FBXW8: variants seen among roughly 807,000 people sequenced by gnomAD.
FBXW8 encodes the protein F-box and WD repeat domain containing 8, also known as F-box/WD repeat-containing protein 8.
A neutral mutation model predicts 65.3 loss-of-function variants in FBXW8; 57 were observed. The observed-to-expected ratio is 0.87, with a 90% confidence interval of 0.71 to 1.09. The LOEUF (loss-of-function observed/expected upper bound fraction) is 1.09. Ranked by LOEUF, FBXW8 falls within the 50% of genes least tolerant of loss-of-function variation. FBXW8 has a pLI of 0.00. For missense variants in FBXW8, 777 were observed against 814.8 expected, an observed-to-expected ratio of 0.95 and a Z score of 0.57; for synonymous variants, 308 against 330.2, an observed-to-expected ratio of 0.93 and a Z score of 0.73.
chr12:117,002,415 G>A (rs9804817), intron 7 of FBXW8: 26,991 of 152,194 alleles, frequency 0.18, 2,903 homozygotes, highest in African/African-American at 0.31. Flanking sequence ...GAAGCATGTC[G>A]TGGAGACTGT....
At position 116,915,639 on chromosome 12, in the gene FBXW8, ACTTTTTTT is replaced by A. The variant is rs1446214616; in HGVS notation, c.318+4285_318+4292del. ...CCCAAGGGTAACCACTCACCTGACT[ACTTTTTTT>A]TTTTTTTTTTTTTTTTTTTTTGGGA... is the stretch of plus-strand genomic sequence containing the variant. On this transcript the variant is annotated intron_variant, in intron 1 of 10. Coordinates refer to ENST00000652555, the MANE Select transcript of FBXW8 (RefSeq NM_153348.3). Among the ~76,000 whole-genome samples the A allele has an allele frequency of 5.0e-5, 4 of 80,420 alleles. No homozygotes were observed. In the East Asian group the frequency reaches 1.3e-3, roughly 26 times the overall value. The allele number at this position is 80,420 out of a possible 152,430, so 52.8% of individuals were successfully genotyped here.
intron 7 of FBXW8, among the ~76,000 whole-genome samples, chr12:117,001,952 C>G (rs192132600): frequency 6.6e-6 from 1 of 152,222 alleles, no homozygotes; most frequent in Non-Finnish European, 1.5e-5. Flanking sequence ...CCTGGCCTTC[C>G]TTTATTATTC....
chr12:116,952,539 C>A lies in FBXW8; in HGVS notation c.677+2833C>A, dbSNP rs1883353187. ...CCCAGAGATTTCTCTAGCACTGTAG[C>A]CTAGCGTCCATTCTTCTCGGAACTC... is the stretch of plus-strand genomic sequence containing the variant. On this transcript the variant is annotated intron_variant, in intron 4 of 10. Transcript: ENST00000652555. 2.0e-5 allele frequency among the ~76,000 whole-genome samples: 3 copies of A among 152,184 alleles called. No individual in the cohort carries two copies. In the South Asian group the frequency reaches 6.2e-4, roughly 32 times the overall value.
intron 4 of FBXW8, among the ~76,000 whole-genome samples, chr12:116,960,721 A>T (rs1228075207): frequency 6.6e-6 from 1 of 152,212 alleles, no homozygotes; most frequent in Non-Finnish European, 1.5e-5. Flanking sequence ...CCTTTCAGTC[A>T]CTATTTATGA....
intron 3 of FBXW8, among the ~76,000 whole-genome samples, chr12:116,946,690 CA>C (rs1488849968): frequency 3.3e-5 from 5 of 152,088 alleles, no homozygotes; most frequent in African/African-American, 1.2e-4. Flanking sequence ...ACGCTGGCCC[CA>C]CAGTGCCCTT....
At chr12:116,988,537 G>A (rs1056230334) in intron 6 of FBXW8, 126 bp from the exon 7 acceptor site, 7 of 783,952 alleles carry the variant, frequency 8.9e-6, no homozygotes, top group Admixed American at 1.9e-5. Context: ...TTTCCTGTGA[G>A]TGTTTCATTT....
At position 117,027,576 on chromosome 12, in the gene FBXW8, C is replaced by T. The variant is rs148691969; in HGVS notation, c.1652+72C>T. 4.4e-4 allele frequency: 515 copies of T among 1,171,406 alleles called. 1 individual carries two copies. The highest frequency in any genetic ancestry group is 5.9e-4 in the Non-Finnish European group (473 of 800,706). The allele number at this position is 1,171,406 out of a possible 1,614,324, so 72.6% of individuals were successfully genotyped here. A position where few individuals can be genotyped will look rare whatever the true frequency, so the allele number is the denominator to read the frequency against. ...ATGTATAGAACCCCACCCCCCCCGC[C>T]GTGACACATTGCACCCTATGGGCTA... is the stretch of plus-strand genomic sequence containing the variant. On this transcript the variant is annotated intron_variant, in intron 10 of 10. Transcript: ENST00000652555.
At chr12:116,920,784 C>T (rs1445646071) in intron 1 of FBXW8, among the ~76,000 whole-genome samples, 1 of 152,166 alleles carries the variant, frequency 6.6e-6, no homozygotes, top group African/African-American at 2.4e-5. Context: ...AACAGGCCCC[C>T]CAAATTCTAT....
intron 9 of FBXW8, among the ~76,000 whole-genome samples, chr12:117,025,592 G>GCAAA (rs1340756081): frequency 1.3e-5 from 2 of 152,212 alleles, no homozygotes; most frequent in Non-Finnish European, 2.9e-5. Context: ...GGCAGTGTTG[G>GCAAA]CAAACACTGT....
chr12:116,935,310 A>C (rs1263949146), intron 2 of FBXW8, among the ~76,000 whole-genome samples: 1 of 152,252 alleles, frequency 6.6e-6, no homozygotes, highest in East Asian at 1.9e-4. Context: ...ATGTGATTTT[A>C]TGTCCATGTA....
chr12:116,911,391 C>T, intron 1 of FBXW8, 36 bp downstream of exon 1: 2 of 1,182,728 alleles, frequency 1.7e-6, no homozygotes, highest in Non-Finnish European at 2.1e-6. Flanking sequence ...CCCATGCCTG[C>T]GCCGGCCCCC....
chr12:116,999,299 C>T (rs1238166690), intron 7 of FBXW8, among the ~76,000 whole-genome samples: 2 of 152,180 alleles, frequency 1.3e-5, no homozygotes, highest in African/African-American at 4.8e-5. Flanking sequence ...TGGCTTCCAG[C>T]CTTAGCTTGC....
intron 2 of FBXW8, among the ~76,000 whole-genome samples, chr12:116,944,655 C>T (rs1882813190): frequency 6.6e-6 from 1 of 152,208 alleles, no homozygotes; most frequent in South Asian, 2.1e-4. Context: ...CAACTTTGCA[C>T]ATGATCCTGT....
Position 116,964,828 on chromosome 12 carries a change from C to G in FBXW8, c.809C>G (p.Ser270Trp). 3.1e-6 allele frequency: 5 copies of G among 1,611,274 alleles called. No individual in the cohort carries two copies. The highest frequency in any genetic ancestry group is 4.2e-6 in the Non-Finnish European group (5 of 1,178,986). ...GTCTCCTTTGTGAGGATAAACAGCT[C>G]GTTGGCAGTAGCAGCTTATGAGGAT... ...PNVSFVRINS[S>W]LAVAAYEDGF... is the part of the protein sequence containing the mutation. Residue 270 changes from serine to tryptophan, a missense_variant, in exon 5 of 11, where the codon TCG becomes TGG. Ser to Trp is a radical substitution (Grantham distance 177). Coordinates refer to ENST00000652555, the MANE Select transcript of FBXW8 (RefSeq NM_153348.3).
chr12:116,912,252 C>T (rs924337658), intron 1 of FBXW8, among the ~76,000 whole-genome samples: 9 of 147,796 alleles, frequency 6.1e-5, no homozygotes, highest in Non-Finnish European at 8.9e-5. Flanking sequence ...TACTGTTGCT[C>T]TCCCGGCCCA....
chr12:116,992,833 A>C (rs776136208), intron 7 of FBXW8, among the ~76,000 whole-genome samples: 4 of 148,216 alleles, frequency 2.7e-5, no homozygotes, highest in Non-Finnish European at 4.5e-5. Flanking sequence ...GGTTGATGGC[A>C]CTTAGGTTGG....
chr12:116,993,100 T>TTC (rs1450512844), intron 7 of FBXW8, among the ~76,000 whole-genome samples: 6 of 134,030 alleles, frequency 4.5e-5, no homozygotes, highest in Non-Finnish European at 8.0e-5. Flanking sequence ...ATTTTTGACT[T>TTC]TTTTTTTTTT....
In FBXW8 at chr12:116,936,548, G is replaced by C. The variant is rs1400212424; in HGVS notation, c.423+8421G>C. 6.6e-6 allele frequency among the ~76,000 whole-genome samples: 1 copy of C among 152,144 alleles called. No homozygotes were observed. Among genetic ancestry groups the C allele is most frequent in the Non-Finnish European group, 1.5e-5 (1 of 68,032 alleles). On this transcript the variant is annotated intron_variant, in intron 2 of 10. Coordinates refer to ENST00000652555, the MANE Select transcript of FBXW8 (RefSeq NM_153348.3). This position sits in a 1 kb window ranked among gnomAD's most constrained non-coding sequence, Gnocchi z 4.6. ...GGAGGAGAGAAGATGCTGTGTTGCT[G>C]GCCTTGAAGGTGGAGGAAGGGGCCA...
chr12:116,934,764 G>A (rs932464707), intron 2 of FBXW8, among the ~76,000 whole-genome samples: 1 of 152,106 alleles, frequency 6.6e-6, no homozygotes, highest in Non-Finnish European at 1.5e-5. Context: ...CCTGACATTG[G>A]CACAATTCAC....
Sources: allele counts gnomAD v4.1 joint callset (sites outside exome capture counted in the v4.1 genomes callset), GRCh38; gene constraint gnomAD v4.1.1; non-coding constraint Gnocchi (gnomAD v3.1); transcripts MANE v1.5; gene names NCBI Gene and HGNC (gene_info 2026-07-23, HGNC 2026-07-21).